Variants in ARL15 observed in about 807,000 individuals in gnomAD.
ARL15 encodes the protein ARF like GTPase 15.
Under a neutral mutation model 25.2 loss-of-function variants are expected in ARL15, and 19 were observed. The ratio of observed to expected loss-of-function variants is 0.75; its 90% CI spans 0.53 to 1.10. ARL15 has a LOEUF of 1.10. Ranked by LOEUF, ARL15 falls within the 50% of genes least tolerant of loss-of-function variation. The pLI, the probability that ARL15 is intolerant of heterozygous loss-of-function variation, is 0.00. For missense variants in ARL15, 220 were observed against 246.0 expected, an observed-to-expected ratio of 0.89 and a Z score of 0.71; for synonymous variants, 94 against 86.8, an observed-to-expected ratio of 1.08 and a Z score of -0.46.
At chr5:54,272,191 G>A (rs1274514218) in intron 1 of ARL15, among the ~76,000 whole-genome samples, 1 of 136,572 alleles carries the variant, frequency 7.3e-6, no homozygotes, top group East Asian at 2.2e-4. Flanking sequence ...GCCTTAAAGC[G>A]ATCCTCCTGC....
chr5:54,220,868 T>C (rs1385218207), intron 1 of ARL15, among the ~76,000 whole-genome samples: 1 of 152,092 alleles, frequency 6.6e-6, no homozygotes, highest in Non-Finnish European at 1.5e-5. Flanking sequence ...CAGTGCCGAC[T>C]CTCGTCCTGG....
intron 4 of ARL15, 24 bp from the exon 5 acceptor site, chr5:53,886,737 A>C: frequency 6.6e-7 from 1 of 1,521,794 alleles, no homozygotes; most frequent in Non-Finnish European, 8.8e-7. Flanking sequence ...AATAAAGATA[A>C]ATAGGTTATT....
intron 4 of ARL15, among the ~76,000 whole-genome samples, chr5:53,911,326 T>A (rs193130949): frequency 9.2e-5 from 14 of 152,320 alleles, no homozygotes; most frequent in East Asian, 7.7e-4. Flanking sequence ...GAATGATGCT[T>A]ACAACATCAT....
At chr5:54,290,596 G>GT (rs1758299021) in intron 1 of ARL15, among the ~76,000 whole-genome samples, 1 of 151,982 alleles carries the variant, frequency 6.6e-6, no homozygotes, top group South Asian at 2.1e-4. Flanking sequence ...ATGAGCCACC[G>GT]TGTCCAGCAT....
intron 4 of ARL15, among the ~76,000 whole-genome samples, chr5:53,987,059 G>A (rs1580144147): frequency 6.6e-6 from 1 of 152,192 alleles, no homozygotes; most frequent in Non-Finnish European, 1.5e-5. Context: ...ACTGGGCAGT[G>A]GAGATGGCTG....
At chr5:54,073,663 T>G (rs1158100125) in intron 4 of ARL15, among the ~76,000 whole-genome samples, 1 of 152,246 alleles carries the variant, frequency 6.6e-6, no homozygotes, top group African/African-American at 2.4e-5. Context: ...TCAGCTCAGA[T>G]TAAGTTTCCT....
Position 54,220,828 on chromosome 5 carries a change from A to C in ARL15, c.49-48900T>G, listed in dbSNP as rs76449225. Among the ~76,000 whole-genome samples, 999 of 152,194 alleles carry C rather than the reference A, an allele frequency of 6.6e-3. 8 individuals carry two copies. Among genetic ancestry groups the C allele is most frequent in the African/African-American group, 0.022 (927 of 41,518 alleles). On this transcript the variant is annotated intron_variant, in intron 1 of 4. Coordinates refer to ENST00000504924, the MANE Select transcript of ARL15 (RefSeq NM_019087.3). ...GACCAATAAATTGTGCAGTCCTCCTAAAGCACCCCCTTTGCCGTGGTGAGA... is the reference window on the plus strand; with the variant it reads ...GACCAATAAATTGTGCAGTCCTCCTCAAGCACCCCCTTTGCCGTGGTGAGA...
In ARL15 at chr5:54,047,865, T is replaced by A. The variant is rs566705342; in HGVS notation, c.462+65337A>T. 12 of 152,344 alleles carry A rather than the reference T, an allele frequency of 7.9e-5. No individual in the cohort carries two copies. In the South Asian group the frequency reaches 1.0e-3, roughly 13 times the overall value. 9.4% of individuals were successfully genotyped at this position (152,344 alleles called of 1,614,324 possible). A position where few individuals can be genotyped will look rare whatever the true frequency, so the allele number is the denominator to read the frequency against. The stretch of plus-strand genomic sequence containing the variant: ...CAGACATGTTAAAGTTATATGAGCA[T>A]TGCGTGTCATTCTAATGGTATGATG... On this transcript the variant is annotated intron_variant, in intron 4 of 4. Coordinates refer to ENST00000504924, the MANE Select transcript of ARL15 (RefSeq NM_019087.3).
chr5:54,068,341 A>G (rs544974583), intron 4 of ARL15, among the ~76,000 whole-genome samples: 1 of 152,346 alleles, frequency 6.6e-6, no homozygotes, highest in East Asian at 1.9e-4. Context: ...AGAAAGCACA[A>G]TTCAAGAAAC....
chr5:53,996,491 C>T (rs143691034), intron 4 of ARL15, among the ~76,000 whole-genome samples: 3,445 of 152,066 alleles, frequency 0.023, 150 homozygotes, highest in African/African-American at 0.078. Flanking sequence ...CGGTGGTGCA[C>T]ATCTGTAATC....
intron 1 of ARL15, among the ~76,000 whole-genome samples, chr5:54,196,568 T>C (rs1442562235): frequency 6.6e-6 from 1 of 152,078 alleles, no homozygotes; most frequent in African/African-American, 2.4e-5. Flanking sequence ...TAAGTGGTAA[T>C]AACAATAATT....
Position 54,113,442 on chromosome 5 carries a change from A to G in ARL15, c.254-32T>C, listed in dbSNP as rs1448755972. On this transcript the variant is annotated intron_variant, in intron 3 of 4. Transcript: ENST00000504924. ...AAAACAAAACAAATTTTCGTTTTAA[A>G]AAGAGCTTTCAGCAACTGAAAAATG... 2.5e-6 allele frequency: 4 copies of G among 1,600,106 alleles called. No individual in the cohort carries two copies. The African/African-American group carries it at 4.0e-5, about 16-fold the overall frequency.
intron 1 of ARL15, among the ~76,000 whole-genome samples, chr5:54,199,233 A>G (rs890172498): frequency 1.3e-5 from 2 of 152,184 alleles, no homozygotes; most frequent in African/African-American, 2.4e-5. Context: ...GGACATAGGC[A>G]TGGGCAAGGA....
chr5:53,979,188 A>G (rs1748040168), intron 4 of ARL15, among the ~76,000 whole-genome samples: 1 of 152,104 alleles, frequency 6.6e-6, no homozygotes, highest in African/African-American at 2.4e-5. Context: ...TACAATACCT[A>G]CCATCTATTG....
intron 4 of ARL15, among the ~76,000 whole-genome samples, chr5:54,078,709 T>TATA (rs1610865): frequency 0.77 from 117,514 of 151,716 alleles, 45,777 homozygotes; most frequent in Non-Finnish European, 0.8. Flanking sequence ...ACAAAACAAT[T>TATA]ATGAGCATCA....
chr5:54,002,111 T>G (rs539996824), intron 4 of ARL15, among the ~76,000 whole-genome samples: 1 of 152,196 alleles, frequency 6.6e-6, no homozygotes, highest in Admixed American at 6.5e-5. Context: ...TTACAAGACT[T>G]CAGGTTCAAC....
At chr5:54,277,856 T>G (rs1325212216) in intron 1 of ARL15, among the ~76,000 whole-genome samples, 2 of 152,182 alleles carry the variant, frequency 1.3e-5, no homozygotes, top group African/African-American at 4.8e-5. Context: ...TGCAGGACAT[T>G]CCCCTGGTAT....
At chr5:54,198,977 C>T (rs1294165280) in intron 1 of ARL15, among the ~76,000 whole-genome samples, 1 of 151,750 alleles carries the variant, frequency 6.6e-6, no homozygotes. Flanking sequence ...GAACAGAGCC[C>T]TCAGAAATAA....
At chr5:54,252,297 T>C (rs896108769) in intron 1 of ARL15, among the ~76,000 whole-genome samples, 1 of 152,202 alleles carries the variant, frequency 6.6e-6, no homozygotes, top group African/African-American at 2.4e-5. Context: ...AGAGACTGCC[T>C]CATTAAGTCA....
Sources: gnomAD v4.1 joint callset for allele counts (sites outside exome capture counted in the v4.1 genomes callset) on GRCh38, gnomAD v4.1.1 for gene constraint, MANE v1.5 for transcripts, NCBI Gene and HGNC (gene_info 2026-07-23, HGNC 2026-07-21) for gene names.